CHRM2: variants seen among roughly 807,000 people sequenced by gnomAD.
CHRM2 encodes cholinergic receptor muscarinic 2.
CHRM2 carries 8 observed loss-of-function variants against 25.0 expected under a neutral mutation model. The observed-to-expected ratio is 0.32, with a 90% CI of 0.19 to 0.58. CHRM2 has a LOEUF of 0.58. Among genes scored for constraint, CHRM2 ranks in the 20% least tolerant of loss-of-function variants. The pLI is 0.88. For synonymous variants in CHRM2, 202 were observed against 205.7 expected (o/e 0.98, Z 0.15); for missense variants, 440 against 567.1 (o/e 0.78, Z 2.28).
intron 2 of CHRM2, among the ~76,000 whole-genome samples, chr7:136,909,143 A>G (rs1797709307): frequency 6.6e-6 from 1 of 151,968 alleles, no homozygotes; most frequent in Non-Finnish European, 1.5e-5. Flanking sequence ...TCTCATTGAC[A>G]TGGGAATTAT....
intron 2 of CHRM2, among the ~76,000 whole-genome samples, chr7:136,893,459 C>T (rs981371825): frequency 6.6e-6 from 1 of 152,154 alleles, no homozygotes. Context: ...TTTCCTTTTA[C>T]CATTGGCACA....
rs114160939 is a variant in CHRM2 at position 136,922,463 on chromosome 7, C to T, written c.-125+53045C>T. Among the ~76,000 whole-genome samples, 711 of 152,250 alleles carry T rather than the reference C, an allele frequency of 4.7e-3. 7 individuals carry two copies. Among genetic ancestry groups the T allele is most frequent in the African/African-American group, 0.016 (662 of 41,540 alleles). The stretch of plus-strand genomic sequence containing the variant: ...TTCTTGTACTTCTTAGTAAAAAAGC[C>T]AAAGCTCCTTTATATAACATTCAAC... On this transcript the variant is annotated intron_variant, in intron 2 of 3. Transcript: ENST00000680005.
intron 2 of CHRM2, among the ~76,000 whole-genome samples, chr7:136,968,067 TTGTA>T (rs1226191655): frequency 3.3e-5 from 5 of 152,114 alleles, no homozygotes; most frequent in Non-Finnish European, 1.5e-5. Flanking sequence ...AAAACAATGA[TTGTA>T]TGTATTTATG....
Position 137,018,933 on chromosome 7 carries a change from C to G in CHRM2, c.*2667C>G, listed in dbSNP as rs1805308745. ...GCTCTCAAACAGAGACAATTCCCCT[C>G]TCCCCGAAAGGGGACACTTAGCAAT... On this transcript the variant is annotated 3_prime_UTR_variant, in exon 4 of 4. Transcript: ENST00000680005. 6.6e-6 allele frequency: 1 copy of G among 151,912 alleles called. No homozygotes were observed. Among genetic ancestry groups the G allele is most frequent in the African/African-American group, 2.4e-5 (1 of 41,420 alleles). The allele number at this position is 151,912 out of a possible 1,614,324, so 9.4% of individuals were successfully genotyped here. A position where few individuals can be genotyped will look rare whatever the true frequency, so the allele number is the denominator to read the frequency against.
chr7:137,014,126 T>C (rs904513493), intron 3 of CHRM2, among the ~76,000 whole-genome samples: 1 of 152,066 alleles, frequency 6.6e-6, no homozygotes. Flanking sequence ...TTCAGTTCAA[T>C]ATGCATTTAA....
chr7:136,963,097 G>A (rs550824189), intron 2 of CHRM2, among the ~76,000 whole-genome samples: 3 of 151,986 alleles, frequency 2.0e-5, no homozygotes, highest in Admixed American at 6.5e-5. Context: ...GGAGAACTGA[G>A]AGAAGAAAAA....
chr7:137,018,865 C>T lies in CHRM2; in HGVS notation c.*2599C>T, dbSNP rs1279473424. ...ATTGGAGAGATATGGAGATTATATT[C>T]AAGGATTTTTATTAACCACTGCTGG... On this transcript the variant is annotated 3_prime_UTR_variant, in exon 4 of 4. Coordinates refer to ENST00000680005, the MANE Select transcript of CHRM2 (RefSeq NM_001006630.2). 6.6e-6 allele frequency: 1 copy of T among 151,874 alleles called. No homozygotes were observed. The highest frequency in any genetic ancestry group is 1.5e-5 in the Non-Finnish European group (1 of 67,916). 9.4% of individuals were successfully genotyped at this position (151,874 alleles called of 1,614,324 possible).
intron 2 of CHRM2, among the ~76,000 whole-genome samples, chr7:136,924,213 A>AT (rs773331674): frequency 4.0e-5 from 6 of 151,262 alleles, no homozygotes; most frequent in Admixed American, 1.3e-4. Context: ...AGTTGTATGT[A>AT]TTTTTTTTAT....
intron 2 of CHRM2, among the ~76,000 whole-genome samples, chr7:136,978,850 T>G (rs535184705): frequency 6.6e-6 from 1 of 152,220 alleles, no homozygotes; most frequent in Non-Finnish European, 1.5e-5. Context: ...CAGTGTAGCA[T>G]TGATGGGCAT....
chr7:136,887,336 C>CAAA, intron 2 of CHRM2, among the ~76,000 whole-genome samples: 1 of 150,170 alleles, frequency 6.7e-6, no homozygotes, highest in East Asian at 1.9e-4. Context: ...TCGCTTTTCA[C>CAAA]AAAAAAAAAA....
chr7:136,940,708 C>T (rs1035701203), intron 2 of CHRM2, among the ~76,000 whole-genome samples: 1 of 152,122 alleles, frequency 6.6e-6, no homozygotes, highest in African/African-American at 2.4e-5. Context: ...AAGCTCCAAA[C>T]CACGAACAAA....
intron 3 of CHRM2, among the ~76,000 whole-genome samples, chr7:137,001,162 C>T (rs927060138): frequency 2.0e-5 from 3 of 152,138 alleles, no homozygotes; most frequent in African/African-American, 7.2e-5. Flanking sequence ...ATCCCTGCCC[C>T]CTTCAATGCT....
chr7:136,935,630 C>A (rs1350380600), intron 2 of CHRM2, among the ~76,000 whole-genome samples: 2 of 152,150 alleles, frequency 1.3e-5, no homozygotes, highest in African/African-American at 2.4e-5. Context: ...CTCTGCAATT[C>A]TCTCTTATTT....
intron 2 of CHRM2, among the ~76,000 whole-genome samples, chr7:136,944,334 A>C (rs1230545498): frequency 1.4e-5 from 2 of 141,446 alleles, no homozygotes; most frequent in Non-Finnish European, 3.0e-5. Flanking sequence ...GTGAGAACAT[A>C]CAATGTTTGT....
chr7:137,006,781 T>C (rs1159372477), intron 3 of CHRM2, among the ~76,000 whole-genome samples: 1 of 152,060 alleles, frequency 6.6e-6, no homozygotes, highest in Non-Finnish European at 1.5e-5. Context: ...TTGTACATAA[T>C]GCATATCTGG....
chr7:136,990,256 C>G (rs2131014063), intron 2 of CHRM2, among the ~76,000 whole-genome samples: 2 of 152,196 alleles, frequency 1.3e-5, no homozygotes, highest in South Asian at 4.1e-4. Context: ...TATTGGGGTT[C>G]ACTCTTGGTG....
chr7:136,997,124 T>C (rs963721392), intron 3 of CHRM2, among the ~76,000 whole-genome samples: 1 of 152,158 alleles, frequency 6.6e-6, no homozygotes, highest in Non-Finnish European at 1.5e-5. Flanking sequence ...TGCTCTTCAA[T>C]CCCTTGCCTG....
intron 2 of CHRM2, among the ~76,000 whole-genome samples, chr7:136,927,925 G>A (rs1339325773): frequency 6.6e-6 from 1 of 152,042 alleles, no homozygotes; most frequent in African/African-American, 2.4e-5. Context: ...TATGAAATTT[G>A]GAGTATTTTT....
chr7:136,933,967 G>A (rs1799267013), intron 2 of CHRM2, among the ~76,000 whole-genome samples: 1 of 151,996 alleles, frequency 6.6e-6, no homozygotes, highest in South Asian at 2.1e-4. Context: ...GTTTTTGTTT[G>A]GTTTTGTTTT....
Sources: allele counts gnomAD v4.1 joint callset (sites outside exome capture counted in the v4.1 genomes callset), GRCh38; gene constraint gnomAD v4.1.1; transcripts MANE v1.5; gene names NCBI Gene and HGNC (gene_info 2026-07-23, HGNC 2026-07-21).